NUP188: variants seen among roughly 807,000 people sequenced by gnomAD.
NUP188 encodes nucleoporin 188.
A neutral mutation model predicts 223.0 loss-of-function variants in NUP188; 97 were observed. That is an observed-to-expected ratio of 0.43 (90% confidence interval 0.37 to 0.51). The LOEUF (loss-of-function observed/expected upper bound fraction) is 0.51. Among genes scored for constraint, NUP188 ranks in the 20% least tolerant of loss-of-function variants. NUP188 has a pLI of 0.00. For synonymous variants in NUP188, 869 were observed against 828.0 expected, an observed-to-expected ratio of 1.05 and a Z score of -0.85; for missense variants, 1,947 against 2,175.6, an observed-to-expected ratio of 0.89 and a Z score of 2.09.
At chr9:128,975,624 A>G (rs1488256905) in intron 12 of NUP188, among the ~76,000 whole-genome samples, 1 of 150,774 alleles carries the variant, frequency 6.6e-6, no homozygotes, top group Non-Finnish European at 1.5e-5. Context: ...GGTTCAAGCA[A>G]TTCTCCTGCC....
In NUP188 at chr9:128,998,129, A is replaced by T. The variant is rs201039298; in HGVS notation, c.3352-22A>T. Reference sequence around the variant, plus strand: ...AATCTGGAAAATTTTCCCAGCTGAAACCTTTTTCTGTTCCTTTGCAGGCAG... The same window carrying T: ...AATCTGGAAAATTTTCCCAGCTGAATCCTTTTTCTGTTCCTTTGCAGGCAG... On this transcript the variant is annotated intron_variant, in intron 30 of 43. Coordinates refer to ENST00000372577, the MANE Select transcript of NUP188 (RefSeq NM_015354.3). 19 of 1,604,856 alleles carry T rather than the reference A, an allele frequency of 1.2e-5. No individual in the cohort carries two copies. In the East Asian group the frequency reaches 4.2e-4, roughly 36 times the overall value.
Position 128,959,045 on chromosome 9 carries a change from G to C in NUP188, c.496G>C (p.Glu166Gln), listed in dbSNP as rs777491639. ...VEYADCVDKL[E>Q]KELVSKYRQQ... ...ATATGCAGACTGTGTTGATAAATTG[G>C]AGAAGGAACTAGTTTCAAAATACAG... Residue 166 changes from glutamate to glutamine, a missense_variant, in exon 8 of 44, where the codon GAG (glutamate) becomes CAG (glutamine). Physicochemically the swap from Glu to Gln is conservative, Grantham distance 29 (BLOSUM62 2). Coordinates refer to ENST00000372577, the MANE Select transcript of NUP188 (RefSeq NM_015354.3). 20 of 1,593,672 alleles carry C rather than the reference G, an allele frequency of 1.3e-5. No individual in the cohort carries two copies. In the South Asian group the frequency reaches 2.3e-4, roughly 18 times the overall value.
rs547066723 is a variant in NUP188 at position 129,002,487 on chromosome 9, T to C, written c.4138-330T>C. Among the ~76,000 whole-genome samples, 12 of 152,322 alleles carry C rather than the reference T, an allele frequency of 7.9e-5. No individual in the cohort carries two copies. The South Asian group carries it at 2.5e-3, about 32-fold the overall frequency. On this transcript the variant is annotated intron_variant, in intron 36 of 43. Transcript: ENST00000372577. Reference sequence around the variant, plus strand: ...TCTTCACCTGAACCTCTCTCTCTCATGAGAGTCGTGAAGTATTTGGTCATC... The same window carrying C: ...TCTTCACCTGAACCTCTCTCTCTCACGAGAGTCGTGAAGTATTTGGTCATC...
chr9:128,952,721 TC>T (rs1381293519), intron 2 of NUP188, 51 bp from the exon 3 acceptor site: 1 of 1,343,764 alleles, frequency 7.4e-7, no homozygotes, highest in Non-Finnish European at 1.1e-6. Flanking sequence ...AGACTCTGTC[TC>T]AAAAAAAAAA....
At chr9:128,990,099 C>A in intron 24 of NUP188, 21 bp from the exon 25 acceptor site, 3 of 1,562,538 alleles carry the variant, frequency 1.9e-6, no homozygotes, top group Non-Finnish European at 2.6e-6. Context: ...GATATCTAAA[C>A]TGTTTCCTGT....
chr9:128,961,590 C>CTAGCTAGA (rs1554828103), intron 8 of NUP188, among the ~76,000 whole-genome samples: 1 of 138,124 alleles, frequency 7.2e-6, no homozygotes, highest in African/African-American at 3.0e-5. Context: ...ATCTATCTAT[C>CTAGCTAGA]TAGATAGATA....
At chr9:128,987,357 C>T (rs764481000) in intron 22 of NUP188, among the ~76,000 whole-genome samples, 2 of 151,912 alleles carry the variant, frequency 1.3e-5, no homozygotes, top group Non-Finnish European at 2.9e-5. Context: ...AATTATGATC[C>T]TTTTCAGTAG....
chr9:129,000,175 T>TTAAA (rs1184889487), intron 34 of NUP188, among the ~76,000 whole-genome samples: 3 of 152,220 alleles, frequency 2.0e-5, no homozygotes, highest in African/African-American at 7.2e-5. Flanking sequence ...CACTCTGGAC[T>TTAAA]TAAACTCCAG....
intron 4 of NUP188, among the ~76,000 whole-genome samples, chr9:128,956,694 A>G (rs543827827): frequency 2.6e-5 from 4 of 152,208 alleles, no homozygotes; most frequent in Non-Finnish European, 5.9e-5. Flanking sequence ...AGCTCACATC[A>G]TGCCTACTGC....
rs546674363 is a variant in NUP188, at chr9:128,983,533, C to T, written c.1944C>T (p.Ser648=). Residue 648 remains serine (S), a synonymous_variant, in exon 19 of 44, where the codon AGC becomes AGT. Coordinates refer to ENST00000372577, the MANE Select transcript of NUP188 (RefSeq NM_015354.3). ...CATTTGTGGCCCATCCTGTCTCCAGCCTGAGTCAGATGATTAGGTGAGCCA... is the reference window on the plus strand; with the variant it reads ...CATTTGTGGCCCATCCTGTCTCCAGTCTGAGTCAGATGATTAGGTGAGCCA... ...FLPFVAHPVS[S]LSQMISAEGM... is the part of the protein sequence containing the mutation. The T allele has an allele frequency of 2.0e-5, 33 of 1,613,760 alleles. No individual in the cohort carries two copies. The highest frequency in any genetic ancestry group is 3.3e-4 in the Middle Eastern group (2 of 6,084).
In NUP188 at chr9:128,987,084, AGAGAGTGT is replaced by A. The variant is rs760455130; in HGVS notation, c.2264+211_2264+218del. 2.4e-3 allele frequency among the ~76,000 whole-genome samples: 302 copies of A among 128,182 alleles called. 1 individual carries two copies. Among genetic ancestry groups the A allele is most frequent in the African/African-American group, 8.0e-3 (274 of 34,280 alleles). The allele number at this position is 128,182 out of a possible 152,430, so 84.1% of individuals were successfully genotyped here. On this transcript the variant is annotated intron_variant, in intron 22 of 43. Transcript: ENST00000372577. Reference sequence around the variant, plus strand: ...AGGAATGAGAGAGAGAGAGAGAGAGAGAGAGTGTGTGTGTGTGTGTGTGTGTGTGTGTG... The same window carrying A: ...AGGAATGAGAGAGAGAGAGAGAGAGAGTGTGTGTGTGTGTGTGTGTGTGTG...
rs761377812 is a variant in NUP188, at chr9:129,006,322, A to G, written c.5027A>G (p.His1676Arg). 2.0e-5 allele frequency: 33 copies of G among 1,613,992 alleles called. No individual in the cohort carries two copies. Among genetic ancestry groups the G allele is most frequent in the Non-Finnish European group, 2.8e-5 (33 of 1,179,978 alleles). The stretch of plus-strand genomic sequence containing the variant: ...CGGTACCTTAGGGACCCGGCTGTGC[A>G]CCCCCGGGACAAACAGCGGATGAAG... Reference protein sequence around the residue: ...AMRYLRDPAVHPRDKQRMKQE... With the variant: ...AMRYLRDPAVRPRDKQRMKQE... The change falls in exon 43 of 44, where the codon CAC (histidine) becomes CGC (arginine). Residue 1676 changes from histidine to arginine, a missense_variant. This residue lies in a region of NUP188 where 905 missense variants were observed against 990.6 expected (regional missense o/e 0.91). Transcript: ENST00000372577.
At chr9:128,961,747 G>A (rs1841958438) in intron 8 of NUP188, among the ~76,000 whole-genome samples, 1 of 149,558 alleles carries the variant, frequency 6.7e-6, no homozygotes, top group African/African-American at 2.5e-5. Flanking sequence ...TCAGCTTCCT[G>A]AGTAGCTGGG....
At chr9:129,003,019 A>G (rs1842701724) in intron 37 of NUP188, 44 bp downstream of exon 37, 2 of 1,604,684 alleles carry the variant, frequency 1.2e-6, no homozygotes, top group Admixed American at 3.4e-5. Flanking sequence ...TTCAGGGTAA[A>G]AAAGGTACTG....
At chr9:128,978,426 G>T (rs1178673785) in intron 12 of NUP188, among the ~76,000 whole-genome samples, 2 of 151,452 alleles carry the variant, frequency 1.3e-5, no homozygotes, top group Non-Finnish European at 2.9e-5. Flanking sequence ...AGCTGGGCGT[G>T]GTGGCAGGCG....
At chr9:128,950,224 C>T (rs1161347673) in intron 2 of NUP188, among the ~76,000 whole-genome samples, 7 of 150,764 alleles carry the variant, frequency 4.6e-5, no homozygotes, top group East Asian at 2.0e-4. Context: ...CACCCGGCTA[C>T]GTTTTTTTGT....
At chr9:128,981,164 C>A (rs1842248294) in intron 14 of NUP188, 100 bp from the exon 15 acceptor site, 1 of 1,405,096 alleles carries the variant, frequency 7.1e-7, no homozygotes, top group Non-Finnish European at 9.8e-7. Context: ...CAGTGGTGGG[C>A]TTGCAAGAAG....
rs1290346793 is a variant in NUP188, at chr9:128,999,666, G to T, written c.3704G>T (p.Cys1235Phe). ...TACTCCCAGCTGGTGCTGAATGTCT[G>T]TGAGACCCTCCAAGAGGAAGTGATT... ...PQYSQLVLNV[C>F]ETLQEEVIAL... is the part of the protein sequence containing the mutation. The change falls in exon 34 of 44, where the codon TGT becomes TTT. Residue 1235 changes from cysteine to phenylalanine, a missense_variant. Physicochemically the swap from Cys to Phe is radical, Grantham distance 205 (BLOSUM62 -2). Coordinates refer to ENST00000372577, the MANE Select transcript of NUP188 (RefSeq NM_015354.3). 6 of 1,614,178 alleles carry T rather than the reference G, an allele frequency of 3.7e-6. No homozygotes were observed. In the South Asian group the frequency reaches 6.6e-5, roughly 18 times the overall value.
intron 20 of NUP188, among the ~76,000 whole-genome samples, chr9:128,985,800 C>T (rs566756482): frequency 7.2e-5 from 11 of 152,184 alleles, no homozygotes; most frequent in South Asian, 2.1e-4. Flanking sequence ...TTTGGGAGGC[C>T]GAGGCGGATG....
Sources: gnomAD v4.1 joint callset for allele counts (sites outside exome capture counted in the v4.1 genomes callset) on GRCh38, gnomAD v4.1.1 for gene constraint, gnomAD v4.1.1 regional missense constraint, MANE v1.5 for transcripts, NCBI Gene and HGNC (gene_info 2026-07-23, HGNC 2026-07-21) for gene names.